The following CUL1 variants were observed in gnomAD, a reference collection of about 807,000 sequenced individuals.
The protein encoded by CUL1 is cullin-1.
A neutral mutation model predicts 118.0 loss-of-function variants in CUL1; 24 were observed. The ratio of observed to expected loss-of-function variants is 0.20; its 90% CI spans 0.15 to 0.29. The LOEUF is 0.29. CUL1 is among the 10% of genes least tolerant of loss of function. CUL1 has a pLI of 1.00. For synonymous variants in CUL1, 332 were observed against 340.4 expected (o/e 0.98, Z 0.27); for missense variants, 361 against 933.8 (o/e 0.39, Z 7.99).
chr7:148,789,886 C>A, intron 15 of CUL1, 60 bp downstream of exon 15: 1 of 1,497,296 alleles, frequency 6.7e-7, no homozygotes, highest in South Asian at 1.1e-5. Context: ...GCAGGGCAGC[C>A]TTCACTGTGG....
At chr7:148,721,490 C>T (rs1798395368) in intron 1 of CUL1, among the ~76,000 whole-genome samples, 1 of 151,934 alleles carries the variant, frequency 6.6e-6, no homozygotes, top group Non-Finnish European at 1.5e-5. Context: ...AAGTAAATCC[C>T]AGGCATCATA....
chr7:148,787,819 TC>T lies in CUL1; in HGVS notation c.1479+701del, dbSNP rs1382904548. On this transcript the variant is annotated intron_variant, in intron 13 of 21. Coordinates refer to ENST00000325222, the MANE Select transcript of CUL1 (RefSeq NM_003592.3). The surrounding 1 kb of genome is among the most constrained non-coding windows in gnomAD (Gnocchi z 5.5). ...GTCACGCAGCCCTTCCTCTGCCACC[TC>T]CTTTGCGTGCCTGTGTGTCGGCGCT... is the stretch of plus-strand genomic sequence containing the variant. Among the ~76,000 whole-genome samples the T allele has an allele frequency of 5.3e-5, 8 of 152,210 alleles. No homozygotes were observed. Among genetic ancestry groups the T allele is most frequent in the Admixed American group, 2.0e-4 (3 of 15,280 alleles).
At chr7:148,794,110 T>G (rs1246618425) in intron 17 of CUL1, among the ~76,000 whole-genome samples, 1 of 152,182 alleles carries the variant, frequency 6.6e-6, no homozygotes. Context: ...TTTTTGTTGT[T>G]GAGTCGTAAG....
At chr7:148,723,526 TTATC>T (rs1190640209) in intron 1 of CUL1, among the ~76,000 whole-genome samples, 2 of 152,186 alleles carry the variant, frequency 1.3e-5, no homozygotes, top group Non-Finnish European at 2.9e-5. Context: ...ATACAGGTGT[TTATC>T]AATCACTCAA....
chr7:148,748,593 A>G (rs1444320914), intron 2 of CUL1, among the ~76,000 whole-genome samples: 1 of 152,234 alleles, frequency 6.6e-6, no homozygotes. Flanking sequence ...ATTTCTTGGT[A>G]ATTAATAAGC....
chr7:148,743,927 A>C (rs577674246), intron 2 of CUL1, among the ~76,000 whole-genome samples: 2 of 152,200 alleles, frequency 1.3e-5, no homozygotes, highest in Non-Finnish European at 2.9e-5. Flanking sequence ...ATCTCAAAAA[A>C]CAAATTTTTT....
intron 9 of CUL1, among the ~76,000 whole-genome samples, chr7:148,768,674 C>T (rs1173337552): frequency 6.6e-6 from 1 of 152,122 alleles, no homozygotes; most frequent in Non-Finnish European, 1.5e-5. Context: ...CGTGAGTCGT[C>T]ACGTGCGGCC....
intron 9 of CUL1, among the ~76,000 whole-genome samples, chr7:148,777,071 A>C (rs1469274092): frequency 6.6e-6 from 1 of 152,208 alleles, no homozygotes; most frequent in Non-Finnish European, 1.5e-5. Context: ...TACAGAGTAC[A>C]TTCTGAAAGG....
chr7:148,778,070 C>CAAAA lies in CUL1; in HGVS notation c.1084-5689_1084-5686dup, dbSNP rs1203417069. On this transcript the variant is annotated intron_variant, in intron 9 of 21. Transcript: ENST00000325222. ...AGGGTGACAGAAGAAGACCCTGTCTCAAAAAAAAAAAAAAAAAAAAAAAAA... is the reference window on the plus strand; with the variant it reads ...AGGGTGACAGAAGAAGACCCTGTCTCAAAAAAAAAAAAAAAAAAAAAAAAAAAAA... Among the ~76,000 whole-genome samples the CAAAA allele has an allele frequency of 5.2e-3, 72 of 13,776 alleles. 1 individual carries two copies. The highest frequency in any genetic ancestry group is 0.011 in the South Asian group (3 of 264). 9.0% of individuals were successfully genotyped at this position (13,776 alleles called of 152,430 possible).
chr7:148,705,028 TC>T (rs1797839223), intron 1 of CUL1, among the ~76,000 whole-genome samples: 1 of 152,214 alleles, frequency 6.6e-6, no homozygotes, highest in Non-Finnish European at 1.5e-5. Flanking sequence ...ATATCTGACT[TC>T]CGTTGGGCTG....
intron 2 of CUL1, among the ~76,000 whole-genome samples, chr7:148,739,707 TTGGG>T (rs1163607322): frequency 6.6e-6 from 1 of 152,216 alleles, no homozygotes; most frequent in Non-Finnish European, 1.5e-5. Context: ...AATGGTGTCT[TTGGG>T]TGAGCAAATG....
At chr7:148,716,123 T>C (rs1182786378) in intron 1 of CUL1, among the ~76,000 whole-genome samples, 4 of 152,148 alleles carry the variant, frequency 2.6e-5, no homozygotes, top group African/African-American at 4.8e-5. Context: ...AGGCCACATA[T>C]GGCTCCAAGA....
intron 1 of CUL1, among the ~76,000 whole-genome samples, chr7:148,699,236 G>A (rs1337305065): frequency 6.6e-6 from 1 of 152,030 alleles, no homozygotes; most frequent in Admixed American, 6.5e-5. Context: ...GGTGGCAGAG[G>A]AGCGAGCGGG....
chr7:148,727,547 A>G (rs1798628223), intron 1 of CUL1, among the ~76,000 whole-genome samples: 1 of 152,214 alleles, frequency 6.6e-6, no homozygotes. Flanking sequence ...AGGGAGTTAC[A>G]GTAAAGAAAC....
At position 148,788,565 on chromosome 7, in the gene CUL1, C is replaced by T. The variant is rs750560055; in HGVS notation, c.1488C>T (p.Cys496=). The T allele has an allele frequency of 1.9e-5, 30 of 1,610,674 alleles. No individual in the cohort carries two copies. Among genetic ancestry groups the T allele is most frequent in the East Asian group, 1.1e-4 (5 of 44,860 alleles). The part of the protein sequence containing the change: ...ASMISKLKQA[C]GFEYTSKLQR... ...ATCTGGGTTCTTCTCAGCAAGCTTGCGGGTTCGAGTACACCTCTAAACTTC... is the reference window on the plus strand; with the variant it reads ...ATCTGGGTTCTTCTCAGCAAGCTTGTGGGTTCGAGTACACCTCTAAACTTC... Residue 496 remains cysteine, a synonymous_variant, in exon 14 of 22, where the codon TGC becomes TGT. Transcript: ENST00000325222.
chr7:148,766,375 T>C (rs1014096), intron 7 of CUL1, among the ~76,000 whole-genome samples, 186 bp from the exon 8 acceptor site: 35,484 of 152,044 alleles, frequency 0.23, 5,266 homozygotes, highest in African/African-American at 0.42. Context: ...ATCCTCCTGC[T>C]TCAGCCACCC....
chr7:148,792,616 A>T, intron 16 of CUL1, 110 bp from the exon 17 acceptor site: 1 of 625,818 alleles, frequency 1.6e-6, no homozygotes, highest in Non-Finnish European at 2.6e-6. Context: ...GTACTTGTTT[A>T]AAGAATTTGT....
intron 2 of CUL1, among the ~76,000 whole-genome samples, chr7:148,753,534 G>GTTA (rs1311212286): frequency 6.6e-6 from 1 of 152,194 alleles, no homozygotes; most frequent in African/African-American, 2.4e-5. Flanking sequence ...TTAAAATAAA[G>GTTA]TTTGTGTTAT....
chr7:148,798,740 C>G, intron 20 of CUL1, 63 bp downstream of exon 20: 5 of 1,360,270 alleles, frequency 3.7e-6, no homozygotes, highest in Non-Finnish European at 5.3e-6. Flanking sequence ...CTCGCAAGGA[C>G]GGGCCGTGGG....
Sources: allele counts gnomAD v4.1 joint callset (sites outside exome capture counted in the v4.1 genomes callset), GRCh38; gene constraint gnomAD v4.1.1; non-coding constraint Gnocchi (gnomAD v3.1); transcripts MANE v1.5; gene names NCBI Gene and HGNC (gene_info 2026-07-23, HGNC 2026-07-21).